Variants in MINDY4B observed in about 807,000 individuals in gnomAD.
The protein encoded by MINDY4B is MINDY family member 4B.
MINDY4B carries 25 observed loss-of-function variants against 16.7 expected under a neutral mutation model. The observed-to-expected ratio is 1.49, with a 90% CI of 1.09 to 2.09. MINDY4B has a LOEUF of 2.09. MINDY4B is among the 30% of genes most tolerant of loss of function. The pLI, the probability that MINDY4B is intolerant of heterozygous loss-of-function variation, is 0.00. For missense variants in MINDY4B, 327 were observed against 168.4 expected (o/e 1.94, Z -5.21); for synonymous variants, 132 against 61.9 (o/e 2.13, Z -5.32).
chr3:150,890,268 C>T (rs1711762806), intron 7 of MINDY4B, 52 bp downstream of exon 7: 2 of 437,968 alleles, frequency 4.6e-6, no homozygotes, highest in Admixed American at 8.3e-5. Flanking sequence ...GGAAGAAGAT[C>T]CCTGTAAGAT....
intron 3 of MINDY4B, among the ~76,000 whole-genome samples, chr3:150,902,049 T>C (rs977072112): frequency 2.0e-5 from 3 of 152,140 alleles, no homozygotes; most frequent in Non-Finnish European, 4.4e-5. Context: ...TCACCAGCCT[T>C]CATTCTCAAA....
In MINDY4B at chr3:150,905,406, A is replaced by T. The variant is rs1712216337; in HGVS notation, c.34T>A (p.Ser12Thr). The T allele has an allele frequency of 2.5e-6, 1 of 398,378 alleles. No individual in the cohort carries two copies. Among genetic ancestry groups the T allele is most frequent in the South Asian group, 1.3e-4 (1 of 7,858 alleles). 24.7% of individuals were successfully genotyped at this position (398,378 alleles called of 1,614,324 possible). Residue 12 changes from serine to threonine, a missense_variant, in exon 1 of 12, where the codon TCC becomes ACC. Coordinates refer to ENST00000465419, the MANE Select transcript of MINDY4B (RefSeq NM_001351281.2). ...ATCTCCTCTAAATCCAGCTGTTCGG[A>T]GCTTTGTTCCTGGCCCAAGACCTCC... ...DMEVLGQEQS[S>T]EQLDLEEISR...
chr3:150,900,633 T>A (rs1283800558), intron 3 of MINDY4B, among the ~76,000 whole-genome samples: 1 of 152,180 alleles, frequency 6.6e-6, no homozygotes, highest in Non-Finnish European at 1.5e-5. Flanking sequence ...AAATCCAAAT[T>A]TATTTTTTTT....
Position 150,885,416 on chromosome 3 carries a change from C to T in MINDY4B, c.776G>A (p.Gly259Asp). 1 of 702,650 alleles carries T rather than the reference C, an allele frequency of 1.4e-6. No individual in the cohort carries two copies. The highest frequency in any genetic ancestry group is 2.6e-6 in the Non-Finnish European group (1 of 384,822). The allele number at this position is 702,650 out of a possible 1,614,324, so 43.5% of individuals were successfully genotyped here. A position where few individuals can be genotyped will look rare whatever the true frequency, so the allele number is the denominator to read the frequency against. ...LLCFRGEGSH[G>D]VILFLYSLIF... ...CAGGCTGTACAGAAACAGGATGACA[C>T]CATGGCTTCCTTCCCCTCTGAACTG... Residue 259 changes from glycine to aspartate, a missense_variant, in exon 8 of 12, where the codon GGT becomes GAT. Transcript: ENST00000465419.
chr3:150,870,671 TC>T lies in MINDY4B; in HGVS notation c.*373del, dbSNP rs1241829015. ...CGATGATGCATTACCAATGACTTCA[TC>T]CCCAAATGAAAGCTAGCAGCCTGCT... On this transcript the variant is annotated 3_prime_UTR_variant, in exon 12 of 12. Coordinates refer to ENST00000465419, the MANE Select transcript of MINDY4B (RefSeq NM_001351281.2). Among the ~76,000 whole-genome samples the T allele has an allele frequency of 4.6e-5, 7 of 152,164 alleles. No homozygotes were observed. Among genetic ancestry groups the T allele is most frequent in the Non-Finnish European group, 1.0e-4 (7 of 68,020 alleles).
rs111448113 is a variant in MINDY4B at position 150,892,386 on chromosome 3, C to T, written c.521+938G>A. ...GGGCACTCCCTTAATAAATCACTTG[C>T]GTCAAGAATCCACATCATGGGCTCT... On this transcript the variant is annotated intron_variant, in intron 5 of 11. Coordinates refer to ENST00000465419, the MANE Select transcript of MINDY4B (RefSeq NM_001351281.2). Among the ~76,000 whole-genome samples, 834 of 152,320 alleles carry T rather than the reference C, an allele frequency of 5.5e-3. 8 individuals carry two copies. The highest frequency in any genetic ancestry group is 0.019 in the African/African-American group (774 of 41,554).
chr3:150,902,195 C>T (rs1007010836), intron 3 of MINDY4B, among the ~76,000 whole-genome samples: 89 of 152,158 alleles, frequency 5.8e-4, no homozygotes, highest in Admixed American at 2.6e-4. Context: ...GGCCTGACTG[C>T]AGGGCCAGTG....
At chr3:150,875,293 T>C (rs1717061984) in intron 10 of MINDY4B, among the ~76,000 whole-genome samples, 2 of 152,222 alleles carry the variant, frequency 1.3e-5, no homozygotes, top group Admixed American at 1.3e-4. Flanking sequence ...TAAGATGATA[T>C]GTAATCAAAA....
chr3:150,900,397 C>T (rs757678184), intron 3 of MINDY4B, among the ~76,000 whole-genome samples: 1 of 152,200 alleles, frequency 6.6e-6, no homozygotes, highest in Non-Finnish European at 1.5e-5. Flanking sequence ...AGCAGAATGA[C>T]AACAAAAGGA....
intron 8 of MINDY4B, among the ~76,000 whole-genome samples, chr3:150,884,711 G>A (rs1293255886): frequency 6.6e-5 from 10 of 152,122 alleles, no homozygotes; most frequent in Admixed American, 2.6e-4. Context: ...CTTCCCTCCT[G>A]AGAGACCTCT....
intron 7 of MINDY4B, among the ~76,000 whole-genome samples, chr3:150,889,059 T>A (rs1711700688): frequency 6.6e-6 from 1 of 152,226 alleles, no homozygotes; most frequent in Non-Finnish European, 1.5e-5. Flanking sequence ...TAGCTCAACA[T>A]TTCACGTCAG....
Position 150,883,706 on chromosome 3 carries a change from G to A in MINDY4B, c.891C>T (p.Cys297=), listed in dbSNP as rs1442497398. 1 of 702,772 alleles carries A rather than the reference G, an allele frequency of 1.4e-6. No homozygotes were observed. The highest frequency in any genetic ancestry group is 2.6e-6 in the Non-Finnish European group (1 of 384,822). 43.5% of individuals were successfully genotyped at this position (702,772 alleles called of 1,614,324 possible). The change falls in exon 9 of 12, where the codon TGC becomes TGT. Residue 297 remains cysteine, a synonymous_variant. Coordinates refer to ENST00000465419, the MANE Select transcript of MINDY4B (RefSeq NM_001351281.2). ...LLQPNAGGFL[C]RQAVLNMILT... ...GCAGAGTCTTCCAGCTCACCTGCCT[G>A]CACAGAAAGCCTCCAGCATTTGGTT...
At chr3:150,893,443 T>C (rs767472062) in intron 4 of MINDY4B, 28 bp from the exon 5 acceptor site, 5 of 702,548 alleles carry the variant, frequency 7.1e-6, no homozygotes, top group African/African-American at 1.7e-5. Context: ...AATGACGAGG[T>C]GAAGAACTCT....
At position 150,890,326 on chromosome 3, in the gene MINDY4B, TA is replaced by T; in HGVS notation, c.746del (p.Leu249TyrfsTer19). 1 of 627,286 alleles carries T rather than the reference TA, an allele frequency of 1.6e-6. No homozygotes were observed. Among genetic ancestry groups the T allele is most frequent in the East Asian group, 2.9e-5 (1 of 34,684 alleles). 38.9% of individuals were successfully genotyped at this position (627,286 alleles called of 1,614,324 possible). A position where few individuals can be genotyped will look rare whatever the true frequency, so the allele number is the denominator to read the frequency against. On this transcript the variant is annotated frameshift_variant, in exon 7 of 12. Transcript: ENST00000465419. LOFTEE classifies it high-confidence loss of function. ...EAAEKFIYDH[L>X]LCFRGEGSHG... Reference sequence around the variant, plus strand: ...TCAACACTTAAACACTTACACATAGTAAGTGATCGTAGATGAATTTCTCAGC... The same window carrying T: ...TCAACACTTAAACACTTACACATAGTAGTGATCGTAGATGAATTTCTCAGC...
chr3:150,895,521 G>A (rs1022619721), intron 3 of MINDY4B, among the ~76,000 whole-genome samples: 3 of 152,032 alleles, frequency 2.0e-5, no homozygotes, highest in East Asian at 1.9e-4. Context: ...GCTGGAGTAC[G>A]CTGTCACGAT....
intron 5 of MINDY4B, among the ~76,000 whole-genome samples, chr3:150,891,354 C>T (rs770511981): frequency 4.6e-5 from 7 of 152,136 alleles, no homozygotes; most frequent in Non-Finnish European, 1.0e-4. Context: ...TGCTTATTTC[C>T]CAAACATTTA....
At chr3:150,876,341 C>T (rs1711497200) in intron 10 of MINDY4B, among the ~76,000 whole-genome samples, 6 of 152,144 alleles carry the variant, frequency 3.9e-5, no homozygotes, top group Admixed American at 3.9e-4. Flanking sequence ...AACAATGGCG[C>T]TTAGAACATG....
intron 10 of MINDY4B, among the ~76,000 whole-genome samples, chr3:150,876,850 G>A (rs1180961332): frequency 6.6e-6 from 1 of 152,180 alleles, no homozygotes; most frequent in Non-Finnish European, 1.5e-5. Context: ...AGGCTTTCCA[G>A]ATGGTGTTAG....
At chr3:150,883,631 T>TTCAAACTCTGCATGTGGCAA in intron 9 of MINDY4B, 69 bp downstream of exon 9, 8 of 666,994 alleles carry the variant, frequency 1.2e-5, no homozygotes, top group Non-Finnish European at 2.2e-5. Context: ...TTTTTTCTTT[T>TTCAAACTCTGCATGTGGCAA]TCAAACTCTG....
Sources: gnomAD v4.1 joint callset for allele counts (sites outside exome capture counted in the v4.1 genomes callset) on GRCh38, gnomAD v4.1.1 for gene constraint, MANE v1.5 for transcripts, NCBI Gene and HGNC (gene_info 2026-07-23, HGNC 2026-07-21) for gene names.